Variants in GRXCR2 observed in about 807,000 individuals in gnomAD.
GRXCR2 encodes glutaredoxin domain-containing cysteine-rich protein 2.
A neutral mutation model predicts 24.8 loss-of-function variants in GRXCR2; 23 were observed. The ratio of observed to expected loss-of-function variants is 0.93; its 90% CI spans 0.67 to 1.32. The LOEUF is 1.32. GRXCR2 is among the 40% of genes most tolerant of loss of function. The pLI is 0.00. For missense variants in GRXCR2, 315 were observed against 303.4 expected (o/e 1.04, Z -0.28); for synonymous variants, 130 against 116.1 (o/e 1.12, Z -0.77).
At chr5:145,926,091 C>T (rs928658356) in intron 2 of GRXCR2, among the ~76,000 whole-genome samples, 3 of 152,066 alleles carry the variant, frequency 2.0e-5, no homozygotes, top group African/African-American at 4.8e-5. Flanking sequence ...AAAACATTTA[C>T]TGATTTCATC....
chr5:145,892,534 T>A (rs983873000), intron 2 of GRXCR2, among the ~76,000 whole-genome samples: 1 of 151,916 alleles, frequency 6.6e-6, no homozygotes, highest in Non-Finnish European at 1.5e-5. Context: ...AGGGTATCAG[T>A]GATGGAAGAA....
chr5:145,923,173 T>C (rs200190601), intron 2 of GRXCR2, among the ~76,000 whole-genome samples: 5 of 152,218 alleles, frequency 3.3e-5, no homozygotes, highest in African/African-American at 7.2e-5. Context: ...ATGGGGCCTA[T>C]GCACTTCTAA....
At chr5:145,878,744 G>A (rs1230870710) in intron 2 of GRXCR2, among the ~76,000 whole-genome samples, 1 of 152,100 alleles carries the variant, frequency 6.6e-6, no homozygotes, top group African/African-American at 2.4e-5. Flanking sequence ...ACACATAATT[G>A]TCAGATACAC....
At chr5:145,898,530 C>A (rs1380682223) in intron 2 of GRXCR2, among the ~76,000 whole-genome samples, 1 of 152,040 alleles carries the variant, frequency 6.6e-6, no homozygotes, top group Non-Finnish European at 1.5e-5. Context: ...TACAAAAATC[C>A]TTTAAAAAAT....
Position 145,881,309 on chromosome 5 carries a change from G to C in GRXCR2, c.-69-14581C>G, listed in dbSNP as rs538833032. Among the ~76,000 whole-genome samples the C allele has an allele frequency of 3.3e-5, 5 of 152,306 alleles. No homozygotes were observed. The East Asian group carries it at 5.8e-4, about 18-fold the overall frequency. On this transcript the variant is annotated intron_variant, in intron 2 of 3. Transcript: ENST00000639411. ...TTGTCTCAGCCCAAAATCTCCTTAA[G>C]CTGATAAGCAACTTCAGCAAAGTCT... is the stretch of plus-strand genomic sequence containing the variant.
At chr5:145,864,915 A>G (rs1320291726) in intron 2 of GRXCR2, among the ~76,000 whole-genome samples, 1 of 152,164 alleles carries the variant, frequency 6.6e-6, no homozygotes, top group Non-Finnish European at 1.5e-5. Flanking sequence ...GAACTTTCAG[A>G]ACCTTTTGCT....
At chr5:145,884,413 G>T (rs1277911946) in intron 2 of GRXCR2, among the ~76,000 whole-genome samples, 3 of 152,078 alleles carry the variant, frequency 2.0e-5, no homozygotes, top group Non-Finnish European at 4.4e-5. Flanking sequence ...TCTAGGGTTG[G>T]TATTAATATC....
chr5:145,860,860 T>A (rs1339353605), intron 2 of GRXCR2, among the ~76,000 whole-genome samples: 1 of 152,130 alleles, frequency 6.6e-6, no homozygotes, highest in African/African-American at 2.4e-5. Flanking sequence ...AATGCAATAT[T>A]ATCTGTCAGA....
chr5:145,871,644 G>C (rs1756533610), intron 1 of GRXCR2, among the ~76,000 whole-genome samples: 1 of 152,132 alleles, frequency 6.6e-6, no homozygotes, highest in Admixed American at 6.6e-5. Context: ...GTTATCTTCG[G>C]TAATTGTGAA....
chr5:145,918,678 C>T (rs1757276973), intron 2 of GRXCR2, among the ~76,000 whole-genome samples: 1 of 152,212 alleles, frequency 6.6e-6, no homozygotes, highest in Non-Finnish European at 1.5e-5. Flanking sequence ...CACCTGCTCC[C>T]ACCTGTGTAA....
At chr5:145,894,962 G>A (rs1376268477) in intron 2 of GRXCR2, among the ~76,000 whole-genome samples, 2 of 152,130 alleles carry the variant, frequency 1.3e-5, no homozygotes, top group Non-Finnish European at 2.9e-5. Context: ...TCATCCCTGG[G>A]ATGCAAGGCT....
At chr5:145,916,355 T>C (rs1425619176) in intron 2 of GRXCR2, among the ~76,000 whole-genome samples, 1 of 152,162 alleles carries the variant, frequency 6.6e-6, no homozygotes, top group Non-Finnish European at 1.5e-5. Flanking sequence ...ACAAAGAGCA[T>C]CAAACTGACA....
At chr5:145,897,247 TTACATACA>T (rs67092971) in intron 2 of GRXCR2, among the ~76,000 whole-genome samples, 23,204 of 145,786 alleles carry the variant, frequency 0.16, 2,521 homozygotes, top group African/African-American at 0.3. Context: ...CTGTTGTTTG[TTACATACA>T]TACATACATA....
chr5:145,861,247 G>A (rs940722727), intron 2 of GRXCR2, among the ~76,000 whole-genome samples: 2 of 152,170 alleles, frequency 1.3e-5, no homozygotes, highest in Admixed American at 6.5e-5. Flanking sequence ...TAAGTTGCCT[G>A]CAGTAGTGAT....
intron 1 of GRXCR2, among the ~76,000 whole-genome samples, chr5:145,868,707 T>C (rs1353961532): frequency 6.6e-6 from 1 of 152,196 alleles, no homozygotes; most frequent in African/African-American, 2.4e-5. Flanking sequence ...TAAAAGAATC[T>C]GAGATCACCT....
intron 2 of GRXCR2, among the ~76,000 whole-genome samples, chr5:145,930,135 A>G (rs1757459821): frequency 1.3e-5 from 2 of 152,196 alleles, no homozygotes; most frequent in South Asian, 4.2e-4. Context: ...CCCAGGCTGG[A>G]GTGCAGTGGT....
chr5:145,907,585 A>T (rs1261702637), intron 2 of GRXCR2, among the ~76,000 whole-genome samples: 1 of 152,072 alleles, frequency 6.6e-6, no homozygotes, highest in Non-Finnish European at 1.5e-5. Context: ...CACATCGAGT[A>T]TAAAGAAGGG....
chr5:145,872,660 G>C lies in GRXCR2; in HGVS notation c.309C>G (p.Phe103Leu). The change falls in exon 1 of 3, where the codon TTC becomes TTG. Residue 103 changes from phenylalanine (F) to leucine (L), a missense_variant. By Grantham distance (22) the Phe-to-Leu change is conservative. Transcript: ENST00000377976. ...AYTLAGGQPR[F>L]NDYKANDHKP... ...TATGGTCATTCGCCTTGTAATCGTT[G>C]AACCGAGGCTGGCCGCCTGCCAAGG... is the stretch of plus-strand genomic sequence containing the variant. 1 of 1,606,118 alleles carries C rather than the reference G, an allele frequency of 6.2e-7. No individual in the cohort carries two copies. Among genetic ancestry groups the C allele is most frequent in the Non-Finnish European group, 8.5e-7 (1 of 1,174,244 alleles).
intron 2 of GRXCR2, among the ~76,000 whole-genome samples, chr5:145,883,262 A>AT (rs1427937370): frequency 6.6e-6 from 1 of 152,140 alleles, no homozygotes; most frequent in African/African-American, 2.4e-5. Context: ...TAAAAGGGAG[A>AT]TTAAGGGTGA....
Sources: gnomAD v4.1 joint callset for allele counts (sites outside exome capture counted in the v4.1 genomes callset) on GRCh38, gnomAD v4.1.1 for gene constraint, MANE v1.5 for transcripts, NCBI Gene and HGNC (gene_info 2026-07-23, HGNC 2026-07-21) for gene names.